Variants in GPC6 observed in about 807,000 individuals in gnomAD.
GPC6 encodes the protein glypican 6.
In GPC6, 14 loss-of-function variants were observed where a neutral mutation model predicts 55.2. The ratio of observed to expected loss-of-function variants is 0.25; its 90% confidence interval spans 0.17 to 0.40. The LOEUF (loss-of-function observed/expected upper bound fraction) is 0.40, where lower values mean the gene tolerates loss of function less well. Ranked by LOEUF, GPC6 falls within the 10% of genes least tolerant of loss-of-function variation. The pLI, the probability that GPC6 is intolerant of heterozygous loss-of-function variation, is 1.00. For synonymous variants in GPC6, 278 were observed against 259.6 expected, an observed-to-expected ratio of 1.07 and a Z score of -0.68; for missense variants, 641 against 708.5, an observed-to-expected ratio of 0.90 and a Z score of 1.08.
rs770549459 is a variant in GPC6 at position 94,403,144 on chromosome 13, C to G, written c.1595C>G (p.Ala532Gly). 6.2e-7 allele frequency: 1 copy of G among 1,613,716 alleles called. No homozygotes were observed. The highest frequency in any genetic ancestry group is 8.5e-7 in the Non-Finnish European group (1 of 1,179,594). ...PDRREVDSSA[A>G]QRGHSLLSWS... ...CGGAGAGAGGTGGACTCTTCTGCAG[C>G]CCAGCGTGGCCACTCCCTGCTCTCC... The change falls in exon 9 of 9, where the codon GCC becomes GGC. Residue 532 changes from alanine (A) to glycine (G), a missense_variant. By Grantham distance (60) the Ala-to-Gly change is moderately conservative (BLOSUM62 0). Transcript: ENST00000377047.
chr13:93,542,279 G>A (rs980544356), intron 1 of GPC6, among the ~76,000 whole-genome samples: 7 of 152,120 alleles, frequency 4.6e-5, no homozygotes, highest in African/African-American at 7.2e-5. Flanking sequence ...ACTAAATAGG[G>A]AATCCTTTCC....
intron 4 of GPC6, among the ~76,000 whole-genome samples, chr13:94,161,852 T>A (rs1246894511): frequency 6.6e-6 from 1 of 152,082 alleles, no homozygotes; most frequent in Non-Finnish European, 1.5e-5. Context: ...TGACTCACAG[T>A]TCCACATGGC....
intron 6 of GPC6, among the ~76,000 whole-genome samples, chr13:94,353,826 T>G (rs1191732470): frequency 6.6e-6 from 1 of 152,148 alleles, no homozygotes; most frequent in Non-Finnish European, 1.5e-5. Flanking sequence ...CTTCAATAAT[T>G]AAGAAGTTGT....
chr13:94,172,790 T>C (rs1285722374), intron 4 of GPC6, among the ~76,000 whole-genome samples: 1 of 152,162 alleles, frequency 6.6e-6, no homozygotes, highest in Admixed American at 6.5e-5. Flanking sequence ...CCTCTTAACA[T>C]ATATATAGGC....
intron 1 of GPC6, among the ~76,000 whole-genome samples, chr13:93,513,639 C>G (rs1449467582): frequency 6.6e-6 from 1 of 152,182 alleles, no homozygotes; most frequent in Non-Finnish European, 1.5e-5. Context: ...TCAATAACTC[C>G]TCCTGCCCTT....
intron 2 of GPC6, among the ~76,000 whole-genome samples, chr13:93,726,722 C>G (rs1883659002): frequency 6.6e-6 from 1 of 152,000 alleles, no homozygotes; most frequent in Admixed American, 6.6e-5. Flanking sequence ...TAAGTAATTT[C>G]TTTTTTGTAG....
Position 93,930,059 on chromosome 13 carries a change from A to T in GPC6, c.712-97670A>T, listed in dbSNP as rs186496585. 5.0e-3 allele frequency among the ~76,000 whole-genome samples: 748 copies of T among 150,850 alleles called. 6 individuals carry two copies. Among genetic ancestry groups the T allele is most frequent in the African/African-American group, 0.017 (704 of 41,110 alleles). On this transcript the variant is annotated intron_variant, in intron 3 of 8. Coordinates refer to ENST00000377047, the MANE Select transcript of GPC6 (RefSeq NM_005708.5). ...ACTTTTTAATTAAAAAAATAAATTT[A>T]AAAAAAAATGCCAAGACAAAACACA... is the stretch of plus-strand genomic sequence containing the variant.
intron 1 of GPC6, among the ~76,000 whole-genome samples, chr13:93,437,240 G>T (rs1415459014): frequency 6.6e-6 from 1 of 151,978 alleles, no homozygotes; most frequent in African/African-American, 2.4e-5. Flanking sequence ...TTAAAATTAG[G>T]CCAGTTAATA....
chr13:93,795,202 G>T (rs927491742), intron 2 of GPC6, among the ~76,000 whole-genome samples: 1 of 152,182 alleles, frequency 6.6e-6, no homozygotes, highest in African/African-American at 2.4e-5. Context: ...GGTAAAAAAA[G>T]ATCGTGGGGA....
chr13:93,971,846 A>G (rs1319999588), intron 3 of GPC6, among the ~76,000 whole-genome samples: 1 of 152,210 alleles, frequency 6.6e-6, no homozygotes, highest in East Asian at 1.9e-4. Context: ...ACCCCAAGGA[A>G]TGATCACCAG....
chr13:94,305,141 A>G (rs1190024141), intron 5 of GPC6, among the ~76,000 whole-genome samples: 1 of 152,230 alleles, frequency 6.6e-6, no homozygotes, highest in Non-Finnish European at 1.5e-5. Context: ...TATTTTTAGT[A>G]CAGTTGATTC....
chr13:93,941,898 T>C (rs938255633), intron 3 of GPC6, among the ~76,000 whole-genome samples: 2 of 152,212 alleles, frequency 1.3e-5, no homozygotes. Flanking sequence ...TATACGTAAC[T>C]TTCCTATGGT....
chr13:93,993,278 A>T (rs1332815420), intron 3 of GPC6, among the ~76,000 whole-genome samples: 3 of 150,864 alleles, frequency 2.0e-5, no homozygotes, highest in African/African-American at 7.3e-5. Context: ...ATTCTAATTC[A>T]TGAGCATTCT....
At chr13:93,587,389 C>T (rs1877254798) in intron 2 of GPC6, among the ~76,000 whole-genome samples, 1 of 152,152 alleles carries the variant, frequency 6.6e-6, no homozygotes, top group Non-Finnish European at 1.5e-5. Flanking sequence ...TTCTCTGGAT[C>T]AGTTCTGAAA....
At chr13:93,923,602 A>G (rs1877690992) in intron 3 of GPC6, among the ~76,000 whole-genome samples, 1 of 152,174 alleles carries the variant, frequency 6.6e-6, no homozygotes, top group Non-Finnish European at 1.5e-5. Flanking sequence ...AAATTTCCAG[A>G]ATTTGAGTCT....
intron 6 of GPC6, among the ~76,000 whole-genome samples, chr13:94,339,852 C>T (rs953012785): frequency 1.4e-5 from 2 of 140,288 alleles, no homozygotes; most frequent in African/African-American, 2.6e-5. Context: ...CAACCTCCAA[C>T]TTCCGGGTTC....
At chr13:94,174,518 T>G (rs1888678235) in intron 4 of GPC6, among the ~76,000 whole-genome samples, 1 of 152,102 alleles carries the variant, frequency 6.6e-6, no homozygotes, top group South Asian at 2.1e-4. Flanking sequence ...AAATTGGTAA[T>G]ACATTGTTAT....
At chr13:93,218,789 G>A in the GPC6 span, among the ~76,000 whole-genome samples, 1 of 152,276 alleles carries the variant, frequency 6.6e-6, no homozygotes, top group South Asian at 2.1e-4. Flanking sequence ...TGACTAAGTT[G>A]AAGAAACAAA....
At chr13:93,835,454 C>CA (rs1395648848) in intron 3 of GPC6, among the ~76,000 whole-genome samples, 3 of 151,540 alleles carry the variant, frequency 2.0e-5, no homozygotes, top group Non-Finnish European at 4.4e-5. Flanking sequence ...GACCCTGTCT[C>CA]AAAAAAACGT....
Sources: allele counts gnomAD v4.1 joint callset (sites outside exome capture counted in the v4.1 genomes callset), GRCh38; gene constraint gnomAD v4.1.1; transcripts MANE v1.5; gene names NCBI Gene and HGNC (gene_info 2026-07-23, HGNC 2026-07-21).